The following TTN variants were observed in gnomAD, a reference collection of about 807,000 sequenced individuals.
TTN encodes the protein connectin.
In TTN, 1,525 loss-of-function variants were observed where a neutral mutation model predicts 3,223.0. The observed-to-expected ratio is 0.47, with a 90% CI of 0.45 to 0.49. TTN has a LOEUF of 0.49. Among genes scored for constraint, TTN ranks in the 20% least tolerant of loss-of-function variants. The probability of loss-of-function intolerance (pLI) is 0.00; values close to 1 mark genes in which losing one functional copy is unlikely to be tolerated. For synonymous variants in TTN, 14,094 were observed against 15,161.0 expected (o/e 0.93, Z 5.17); for missense variants, 40,786 against 43,424.0 (o/e 0.94, Z 5.40).
Position 178,601,801 on chromosome 2 carries a change from ATAG to A in TTN, c.55303-17_55303-15del, listed in dbSNP as rs2053527617. ...AGCAGTCTCCAGCTGTACAAAGAAA[ATAG>A]TAGTCATACATTGAATGAAATCATA... On this transcript the variant is annotated splice_polypyrimidine_tract_variant and intron_variant, in intron 285 of 362. Coordinates refer to ENST00000589042, the MANE Select transcript of TTN (RefSeq NM_001267550.2). 1 of 1,601,730 alleles carries A rather than the reference ATAG, an allele frequency of 6.2e-7. No homozygotes were observed. The highest frequency in any genetic ancestry group is 2.2e-5 in the East Asian group (1 of 44,614).
intron 2 of TTN, 50 bp from the exon 3 acceptor site, chr2:178,802,391 T>A (rs1009032976): frequency 2.5e-6 from 4 of 1,570,654 alleles, no homozygotes; most frequent in Non-Finnish European, 2.6e-6. Context: ...CACCACAAAG[T>A]CCTCTGCTCT....
chr2:178,715,407 C>T, intron 89 of TTN, 86 bp downstream of exon 89: 1 of 1,524,860 alleles, frequency 6.6e-7, no homozygotes, highest in Non-Finnish European at 8.8e-7. Flanking sequence ...TATTTTAAAA[C>T]ATCGTTGAAG....
rs781617834 is a variant in TTN at position 178,526,871 on chromosome 2, A to C, written c.*141T>G. The C allele has an allele frequency of 4.5e-4, 314 of 703,934 alleles. No individual in the cohort carries two copies. The highest frequency in any genetic ancestry group is 6.0e-4 in the Non-Finnish European group (272 of 449,616). The allele number at this position is 703,934 out of a possible 1,614,324, so 43.6% of individuals were successfully genotyped here. A position where few individuals can be genotyped will look rare whatever the true frequency, so the allele number is the denominator to read the frequency against. Reference sequence around the variant, plus strand: ...AACAATTATGAAAAGATTGAAATGAATATTTTTGAACTTTGACTCATTTAG... The same window carrying C: ...AACAATTATGAAAAGATTGAAATGACTATTTTTGAACTTTGACTCATTTAG... On this transcript the variant is annotated 3_prime_UTR_variant, in exon 363 of 363. Coordinates refer to ENST00000589042, the MANE Select transcript of TTN (RefSeq NM_001267550.2).
intron 48 of TTN, 91 bp downstream of exon 48, chr2:178,739,050 G>A: frequency 7.3e-7 from 1 of 1,365,622 alleles, no homozygotes; most frequent in Non-Finnish European, 9.6e-7. Context: ...TTCTGGAAGT[G>A]GCAGATAAGT....
chr2:178,619,328 G>A (rs552394497), intron 250 of TTN: 16 of 465,452 alleles, frequency 3.4e-5, no homozygotes, highest in South Asian at 7.9e-5. Context: ...GTATAAGACC[G>A]TCTTTAGATT....
intron 240 of TTN, among the ~76,000 whole-genome samples, chr2:178,626,606 G>A (rs1246899536): frequency 6.6e-6 from 1 of 151,892 alleles, no homozygotes; most frequent in Non-Finnish European, 1.5e-5. Context: ...AACTGGGCAT[G>A]GTTAGTCACA....
chr2:178,704,111 G>C (rs1338675414), intron 106 of TTN, 36 bp downstream of exon 106: 1 of 1,605,716 alleles, frequency 6.2e-7, no homozygotes, highest in Admixed American at 1.7e-5. Context: ...ATTGACCTAT[G>C]CTGTACCCAC....
At chr2:178,772,250 A>G (rs2091621374) in intron 33 of TTN, among the ~76,000 whole-genome samples, 1 of 152,306 alleles carries the variant, frequency 6.6e-6, no homozygotes, top group African/African-American at 2.4e-5. Flanking sequence ...AAGTCTTTTC[A>G]TGGTCCGATC....
At chr2:178,587,095 G>A in intron 307 of TTN, 23 bp downstream of exon 307, 2 of 1,612,066 alleles carry the variant, frequency 1.2e-6, no homozygotes, top group South Asian at 1.1e-5. Context: ...GGGTTAAAAG[G>A]AGGAAGAAAG....
rs141335614 is a variant in TTN, at chr2:178,722,185, A to G, written c.22529-51T>C. On this transcript the variant is annotated intron_variant, in intron 77 of 362. Transcript: ENST00000589042. ...TGTATTTTTTGTTTGTTTTTTTGCC[A>G]TTGGTCGTTTCTACTTTGACAATGA... 1.6e-3 allele frequency: 2,486 copies of G among 1,529,578 alleles called. 16 individuals are homozygous for G. The East Asian group carries it at 0.025, about 15-fold the overall frequency. 94.8% of individuals were successfully genotyped at this position (1,529,578 alleles called of 1,614,324 possible).
intron 330 of TTN, 25 bp downstream of exon 330, chr2:178,556,823 G>C: frequency 5.0e-6 from 8 of 1,609,998 alleles, no homozygotes; most frequent in Non-Finnish European, 5.9e-6. Flanking sequence ...TAGCAATTTT[G>C]ATTCAAAGTG....
At chr2:178,766,282 C>T in intron 41 of TTN, 99 bp downstream of exon 41, 1 of 971,076 alleles carries the variant, frequency 1.0e-6, no homozygotes. Context: ...ACCATAGGTT[C>T]TTTAGAAATT....
chr2:178,629,760 TG>T (rs2059564384), intron 239 of TTN, among the ~76,000 whole-genome samples: 1 of 152,128 alleles, frequency 6.6e-6, no homozygotes, highest in Non-Finnish European at 1.5e-5. Context: ...ACTAAGACTC[TG>T]ATTGGGAGAG....
rs764950661 is a variant in TTN, at chr2:178,568,677, C to T, written c.77455G>A (p.Val25819Met). ...VQVGQDLKIEVPISGRPKPTI... is the reference protein window; with the variant it reads ...VQVGQDLKIEMPISGRPKPTI... ...GGCTTAGGACGTCCAGAAATTGGCA[C>T]TTCTATTTTCAAATCTTGGCCAACC... The change falls in exon 326 of 363, where the codon GTG (valine) becomes ATG (methionine). Residue 25819 changes from valine to methionine, a missense_variant. Transcript: ENST00000589042. 5.6e-6 allele frequency: 9 copies of T among 1,613,204 alleles called. No homozygotes were observed. The highest frequency in any genetic ancestry group is 2.2e-5 in the East Asian group (1 of 44,788).
rs1272812744 is a variant in TTN at position 178,569,774 on chromosome 2, G to A, written c.76358C>T (p.Thr25453Ile). The change falls in exon 326 of 363, where the codon ACA (threonine) becomes ATA (isoleucine). Residue 25453 changes from threonine (T) to isoleucine (I), a missense_variant. Physicochemically the swap from Thr to Ile is moderately conservative, Grantham distance 89. Coordinates refer to ENST00000589042, the MANE Select transcript of TTN (RefSeq NM_001267550.2). ...EKCDVSVGEWTMCTPPTGINK... is the reference protein window; with the variant it reads ...EKCDVSVGEWIMCTPPTGINK... ...AATTCCTGTTGGTGGAGTGCACATT[G>A]TCCATTCACCAACACTCACATCACA... 4.3e-6 allele frequency: 7 copies of A among 1,613,162 alleles called. No homozygotes were observed. Among genetic ancestry groups the A allele is most frequent in the Non-Finnish European group, 5.9e-6 (7 of 1,179,592 alleles).
In TTN at chr2:178,732,206, C is replaced by T; in HGVS notation, c.16763G>A (p.Ser5588Asn). The change falls in exon 57 of 363, where the codon AGC becomes AAC. Residue 5588 changes from serine (S) to asparagine (N), a missense_variant. By Grantham distance (46) the Ser-to-Asn change is conservative. Coordinates refer to ENST00000589042, the MANE Select transcript of TTN (RefSeq NM_001267550.2). ...CTCCACAAAAGACATTCTGTGTTTG[C>T]TGCTCTCCTTAATTTCTCTATCATT... ...FANDREIKES[S>N]KHRMSFVEST... The T allele has an allele frequency of 6.2e-7, 1 of 1,613,848 alleles. No individual in the cohort carries two copies. The highest frequency in any genetic ancestry group is 8.5e-7 in the Non-Finnish European group (1 of 1,179,782).
At chr2:178,649,077 A>AT (rs1426466915) in intron 213 of TTN, among the ~76,000 whole-genome samples, 171 bp downstream of exon 213, 3 of 151,950 alleles carry the variant, frequency 2.0e-5, no homozygotes, top group Admixed American at 6.6e-5. Context: ...AATCCCACTC[A>AT]TTTTTTCACT....
At chr2:178,796,922 C>A (rs2093799304) in intron 6 of TTN, among the ~76,000 whole-genome samples, 2 of 152,284 alleles carry the variant, frequency 1.3e-5, no homozygotes, top group South Asian at 4.1e-4. Context: ...CCTTACTCTA[C>A]AACAAAAATC....
intron 240 of TTN, among the ~76,000 whole-genome samples, chr2:178,629,093 T>C (rs2059452606): frequency 6.6e-6 from 1 of 152,080 alleles, no homozygotes; most frequent in African/African-American, 2.4e-5. Flanking sequence ...TTTATTTCAA[T>C]TTCAATAAAA....
Sources: gnomAD v4.1 joint callset for allele counts (sites outside exome capture counted in the v4.1 genomes callset) on GRCh38, gnomAD v4.1.1 for gene constraint, MANE v1.5 for transcripts, NCBI Gene and HGNC (gene_info 2026-07-23, HGNC 2026-07-21) for gene names.